The following PRKD1 variants were observed in gnomAD, a reference collection of about 807,000 sequenced individuals.
PRKD1 encodes the protein serine/threonine-protein kinase D1.
In PRKD1, 63 loss-of-function variants were observed where a neutral mutation model predicts 95.9. The observed-to-expected ratio is 0.66, with a 90% CI of 0.54 to 0.81. The LOEUF (loss-of-function observed/expected upper bound fraction) is 0.81. Among genes scored for constraint, PRKD1 ranks in the 30% least tolerant of loss-of-function variants. PRKD1 has a pLI of 0.00. For missense variants in PRKD1, 1,048 were observed against 1,165.3 expected (o/e 0.90, Z 1.47); for synonymous variants, 425 against 423.1 (o/e 1.00, Z -0.05).
At chr14:29,852,822 TGA>T (rs1892358029) in intron 1 of PRKD1, among the ~76,000 whole-genome samples, 1 of 151,708 alleles carries the variant, frequency 6.6e-6, no homozygotes, top group South Asian at 2.1e-4. Flanking sequence ...ATGCAGAAAA[TGA>T]GAGAAGGCTA....
intron 1 of PRKD1, among the ~76,000 whole-genome samples, chr14:29,819,303 GGA>G (rs112017506): frequency 0.11 from 16,232 of 152,042 alleles, 1,914 homozygotes; most frequent in African/African-American, 0.28. Context: ...ATACTGGTGT[GGA>G]GAGGTGCAAA....
Position 29,927,363 on chromosome 14 carries a change from C to G in PRKD1, c.150G>C (p.Ser50=), listed in dbSNP as rs769197435. The change falls in exon 1 of 18, where the codon TCG becomes TCC. Residue 50 remains serine, a synonymous_variant. Transcript: ENST00000331968. ...APVAAPVGGI[S]FHLQIGLSRE... is the part of the protein sequence containing the mutation. ...GGCTCAGGCCGATCTGCAGATGGAA[C>G]GAGATGCCCCCGACCGGGGCCGCGA... 1 of 1,563,724 alleles carries G rather than the reference C, an allele frequency of 6.4e-7. No individual in the cohort carries two copies. Among genetic ancestry groups the G allele is most frequent in the South Asian group, 1.2e-5 (1 of 85,580 alleles).
intron 1 of PRKD1, among the ~76,000 whole-genome samples, chr14:29,871,207 A>G (rs186978553): frequency 6.6e-6 from 1 of 152,340 alleles, no homozygotes; most frequent in East Asian, 1.9e-4. Flanking sequence ...ATTGGAAATG[A>G]CATTTAATCT....
intron 2 of PRKD1, among the ~76,000 whole-genome samples, chr14:29,684,549 C>A (rs1158795984): frequency 6.6e-6 from 1 of 152,146 alleles, no homozygotes; most frequent in Non-Finnish European, 1.5e-5. Context: ...ACAGCATGCC[C>A]AGTGAGGAAA....
At chr14:29,664,887 G>A (rs1882396797) in intron 3 of PRKD1, among the ~76,000 whole-genome samples, 1 of 152,104 alleles carries the variant, frequency 6.6e-6, no homozygotes, top group Non-Finnish European at 1.5e-5. Flanking sequence ...GAACTTAGAC[G>A]GTTTAATTTC....
At chr14:29,587,557 A>G (rs1433089967) in intron 16 of PRKD1, among the ~76,000 whole-genome samples, 4 of 152,228 alleles carry the variant, frequency 2.6e-5, no homozygotes, top group South Asian at 4.1e-4. Flanking sequence ...TACAATGCCA[A>G]TGTGCTTGCT....
intron 2 of PRKD1, among the ~76,000 whole-genome samples, chr14:29,673,618 C>G (rs1419053640): frequency 6.6e-6 from 1 of 152,252 alleles, no homozygotes; most frequent in Non-Finnish European, 1.5e-5. Flanking sequence ...ACCACAACTT[C>G]TCTAACTGTG....
chr14:29,599,538 CTAGTG>C lies in PRKD1; in HGVS notation c.2067+113_2067+117del, dbSNP rs970766829. The C allele has an allele frequency of 1.0e-4, 95 of 934,270 alleles. No individual in the cohort carries two copies. In the African/African-American group the frequency reaches 1.4e-3, roughly 14 times the overall value. The allele number at this position is 934,270 out of a possible 1,614,324, so 57.9% of individuals were successfully genotyped here. On this transcript the variant is annotated intron_variant, in intron 14 of 17. Coordinates refer to ENST00000331968, the MANE Select transcript of PRKD1 (RefSeq NM_002742.3). ...TACAATAAAGCCACTACAACCTTTT[CTAGTG>C]TAGTTTAGACTGGAGGTAGGGACTA... is the stretch of plus-strand genomic sequence containing the variant.
chr14:29,895,054 G>A (rs969392567), intron 1 of PRKD1, among the ~76,000 whole-genome samples: 11 of 152,138 alleles, frequency 7.2e-5, no homozygotes, highest in African/African-American at 1.2e-4. Flanking sequence ...ACAAATAGCC[G>A]GGCGCTGTGG....
At chr14:29,899,113 G>A (rs1363674695) in intron 1 of PRKD1, among the ~76,000 whole-genome samples, 1 of 151,992 alleles carries the variant, frequency 6.6e-6, no homozygotes, top group Non-Finnish European at 1.5e-5. Flanking sequence ...AATTCACTAA[G>A]AATCAATACA....
At chr14:29,634,343 G>C in intron 8 of PRKD1, 75 bp downstream of exon 8, 1 of 1,604,546 alleles carries the variant, frequency 6.2e-7, no homozygotes. Context: ...AAATCTCACA[G>C]TCCTCACGGG....
chr14:29,835,556 T>G (rs2139304051), intron 1 of PRKD1, among the ~76,000 whole-genome samples: 1 of 152,244 alleles, frequency 6.6e-6, no homozygotes, highest in African/African-American at 2.4e-5. Flanking sequence ...AACAAATTAC[T>G]CTTTTCTTTA....
intron 1 of PRKD1, among the ~76,000 whole-genome samples, chr14:29,835,380 A>G (rs1253147130): frequency 2.0e-5 from 3 of 152,148 alleles, no homozygotes; most frequent in African/African-American, 7.2e-5. Flanking sequence ...GTAAGTACAT[A>G]GTACACTTTA....
chr14:29,605,753 G>T (rs1361487828), intron 13 of PRKD1, among the ~76,000 whole-genome samples: 1 of 152,176 alleles, frequency 6.6e-6, no homozygotes, highest in Non-Finnish European at 1.5e-5. Context: ...AAATTTGATT[G>T]AAAGATGAAG....
chr14:29,578,964 T>C (rs184748888), intron 16 of PRKD1, among the ~76,000 whole-genome samples: 202 of 152,162 alleles, frequency 1.3e-3, no homozygotes, highest in African/African-American at 4.5e-3. Context: ...AAATAACCAA[T>C]GTATTGGAAT....
At chr14:29,582,254 T>C (rs114991459) in intron 16 of PRKD1, among the ~76,000 whole-genome samples, 2,359 of 152,340 alleles carry the variant, frequency 0.015, 70 homozygotes, top group African/African-American at 0.054. Context: ...CATTCTAGAA[T>C]TTTGTCAAGG....
chr14:29,577,150 T>C lies in PRKD1; in HGVS notation c.*88A>G. The C allele has an allele frequency of 1.5e-6, 2 of 1,345,032 alleles. No homozygotes were observed. The highest frequency in any genetic ancestry group is 2.1e-6 in the Non-Finnish European group (2 of 954,684). The allele number at this position is 1,345,032 out of a possible 1,614,324, so 83.3% of individuals were successfully genotyped here. A position where few individuals can be genotyped will look rare whatever the true frequency, so the allele number is the denominator to read the frequency against. ...AGCTTTGTTCTCATCTGACAGAAAA[T>C]AATGGCAGTTCTGCAAGGCAAATGT... On this transcript the variant is annotated 3_prime_UTR_variant, in exon 18 of 18. Transcript: ENST00000331968.
rs185971084 is a variant in PRKD1, at chr14:29,754,184, T to C, written c.265-28510A>G. ...TGCATTTATCTAACTACAAAATAATTTGAGGTGGTGGGCATTAAAAGTTTC... is the reference window on the plus strand; with the variant it reads ...TGCATTTATCTAACTACAAAATAATCTGAGGTGGTGGGCATTAAAAGTTTC... On this transcript the variant is annotated intron_variant, in intron 1 of 17. Transcript: ENST00000331968. Among the ~76,000 whole-genome samples the C allele has an allele frequency of 3.3e-3, 503 of 152,282 alleles. 1 individual carries two copies. The highest frequency in any genetic ancestry group is 0.011 in the African/African-American group (456 of 41,558).
intron 1 of PRKD1, among the ~76,000 whole-genome samples, chr14:29,833,277 A>T (rs749789313): frequency 7.2e-5 from 11 of 152,124 alleles, no homozygotes; most frequent in South Asian, 4.1e-4. Context: ...ACAACCTACC[A>T]TTAGTTGTGT....
Sources: gnomAD v4.1 joint callset for allele counts (sites outside exome capture counted in the v4.1 genomes callset) on GRCh38, gnomAD v4.1.1 for gene constraint, MANE v1.5 for transcripts, NCBI Gene and HGNC (gene_info 2026-07-23, HGNC 2026-07-21) for gene names.